RUVBL2: variants seen among roughly 807,000 people sequenced by gnomAD.
RUVBL2 encodes ruvB-like 2.
A neutral mutation model predicts 57.9 loss-of-function variants in RUVBL2; 9 were observed. The ratio of observed to expected loss-of-function variants is 0.16; its 90% confidence interval spans 0.09 to 0.27. RUVBL2 has a LOEUF of 0.27. RUVBL2 is among the 10% of genes least tolerant of loss of function. RUVBL2 has a pLI of 1.00. For missense variants in RUVBL2, 456 were observed against 669.6 expected (o/e 0.68, Z 3.52); for synonymous variants, 278 against 264.6 (o/e 1.05, Z -0.49).
intron 12 of RUVBL2, 76 bp from the exon 13 acceptor site, chr19:49,014,945 G>C: frequency 6.5e-7 from 1 of 1,532,674 alleles, no homozygotes; most frequent in South Asian, 1.2e-5. Context: ...AAGGGCCAGA[G>C]GGTTGCTGTG....
intron 6 of RUVBL2, among the ~76,000 whole-genome samples, chr19:49,009,344 A>G (rs942648847): frequency 7.5e-5 from 11 of 147,014 alleles, no homozygotes; most frequent in Admixed American, 3.4e-4. Context: ...AAAATTAGCC[A>G]TGCGTGGTGG....
At position 49,011,976 on chromosome 19, in the gene RUVBL2, C is replaced by T. The variant is rs551444936; in HGVS notation, c.1001+666C>T. Among the ~76,000 whole-genome samples the T allele has an allele frequency of 5.9e-5, 9 of 152,330 alleles. No homozygotes were observed. Among genetic ancestry groups the T allele is most frequent in the Admixed American group, 5.9e-4 (9 of 15,308 alleles). On this transcript the variant is annotated intron_variant, in intron 11 of 14. Transcript: ENST00000595090. The surrounding 1 kb of genome is among the most constrained non-coding windows in gnomAD (Gnocchi z 4.4). ...GGGATTACGGGCACCTGCCACCATG[C>T]CCGCTGGCTGTCTTCTCCACCTCGC...
chr19:48,998,363 T>C (rs1049374332), intron 1 of RUVBL2, among the ~76,000 whole-genome samples: 2 of 152,148 alleles, frequency 1.3e-5, no homozygotes, highest in African/African-American at 4.8e-5. Flanking sequence ...CTGCTCCTCA[T>C]TGGTGTCTGT....
intron 1 of RUVBL2, among the ~76,000 whole-genome samples, chr19:48,995,329 C>CT (rs1371138016): frequency 4.0e-5 from 6 of 150,558 alleles, no homozygotes; most frequent in Non-Finnish European, 8.9e-5. Flanking sequence ...GGATTCATGT[C>CT]TTTTTTGTGG....
At chr19:49,008,159 G>A (rs918746326) in intron 6 of RUVBL2, among the ~76,000 whole-genome samples, 14 of 150,736 alleles carry the variant, frequency 9.3e-5, no homozygotes, top group African/African-American at 3.4e-4. Flanking sequence ...GCGAGACCTC[G>A]GGCCTATGTT....
At chr19:48,993,495 G>T (rs2038984329), upstream of RUVBL2, 3 of 427,394 alleles carry the variant, frequency 7.0e-6, no homozygotes. Context: ...GGCGGAGCTT[G>T]CCGCTGCGCT....
At chr19:49,010,411 A>G (rs2039390780) in intron 8 of RUVBL2, 77 bp from the exon 9 acceptor site, 1 of 1,433,334 alleles carries the variant, frequency 7.0e-7, no homozygotes, top group Admixed American at 1.7e-5. Flanking sequence ...TCTCCCCCAG[A>G]CAGAGGGCTT....
At position 49,015,307 on chromosome 19, in the gene RUVBL2, C is replaced by A. The variant is rs1568644836; in HGVS notation, c.1251+157C>A. On this transcript the variant is annotated intron_variant, in intron 13 of 14. Coordinates refer to ENST00000595090, the MANE Select transcript of RUVBL2 (RefSeq NM_006666.3). ...TGGCTTCTGTATCATCCAGCCTGGC[C>A]TATAGTAGGTATCAGTAAATCTCTC... is the stretch of plus-strand genomic sequence containing the variant. 2.5e-5 allele frequency: 25 copies of A among 1,000,252 alleles called. 1 individual carries two copies. Among genetic ancestry groups the A allele is most frequent in the Middle Eastern group, 3.0e-4 (1 of 3,382 alleles). 62.0% of individuals were successfully genotyped at this position (1,000,252 alleles called of 1,614,324 possible). A position where few individuals can be genotyped will look rare whatever the true frequency, so the allele number is the denominator to read the frequency against.
chr19:49,007,896 A>C (rs528087821), intron 6 of RUVBL2, among the ~76,000 whole-genome samples: 4 of 151,450 alleles, frequency 2.6e-5, no homozygotes, highest in Non-Finnish European at 5.9e-5. Flanking sequence ...TTCAGTAGAG[A>C]CGGGGTTTCA....
At chr19:49,010,749 C>G (rs1423540819) in intron 9 of RUVBL2, 138 bp downstream of exon 9, 4 of 1,294,926 alleles carry the variant, frequency 3.1e-6, no homozygotes, top group Admixed American at 4.4e-5. Context: ...GTGGCTGCCT[C>G]TGTTCTCCAC....
At chr19:49,003,482 C>G (rs2039223555) in intron 3 of RUVBL2, 148 bp downstream of exon 3, 1 of 704,336 alleles carries the variant, frequency 1.4e-6, no homozygotes, top group Admixed American at 2.8e-5. Flanking sequence ...TGTGGGTTTT[C>G]TTGGTACTAA....
At chr19:49,005,116 C>T (rs1043642695) in intron 4 of RUVBL2, among the ~76,000 whole-genome samples, 11 of 152,120 alleles carry the variant, frequency 7.2e-5, no homozygotes, top group African/African-American at 2.7e-4. Flanking sequence ...CCTCTTCTTC[C>T]TTGTTGAACT....
intron 2 of RUVBL2, among the ~76,000 whole-genome samples, chr19:49,000,879 CG>C (rs1472121599): frequency 2.0e-5 from 3 of 150,046 alleles, no homozygotes; most frequent in Non-Finnish European, 4.4e-5. Context: ...CAAGTATGGC[CG>C]GGCATGATGG....
rs146819417 is a variant in RUVBL2 at position 49,011,561 on chromosome 19, C to T, written c.1001+251C>T. Among the ~76,000 whole-genome samples the T allele has an allele frequency of 5.9e-5, 9 of 152,310 alleles. No individual in the cohort carries two copies. The highest frequency in any genetic ancestry group is 3.9e-4 in the East Asian group (2 of 5,188). Reference sequence around the variant, plus strand: ...AGGCTGCAGTCTTCAAACTGCGTGCCGAGGCACCCCAGGGTGCTGCAGGAA... The same window carrying T: ...AGGCTGCAGTCTTCAAACTGCGTGCTGAGGCACCCCAGGGTGCTGCAGGAA... On this transcript the variant is annotated intron_variant, in intron 11 of 14. Coordinates refer to ENST00000595090, the MANE Select transcript of RUVBL2 (RefSeq NM_006666.3). This position sits in a 1 kb window ranked among gnomAD's most constrained non-coding sequence, Gnocchi z 4.4.
At chr19:48,995,986 C>CAAAA (rs562564350) in intron 1 of RUVBL2, among the ~76,000 whole-genome samples, 1 of 83,714 alleles carries the variant, frequency 1.2e-5, no homozygotes. Flanking sequence ...GGCTGTGTCT[C>CAAAA]AAAAAAAAAA....
Position 49,010,482 on chromosome 19 carries a change from C to CCCAACACCCA in RUVBL2, c.664-5_664-4insCAACACCCAC. The CCCAACACCCA allele has an allele frequency of 6.2e-7, 1 of 1,605,468 alleles. No homozygotes were observed. The highest frequency in any genetic ancestry group is 8.5e-7 in the Non-Finnish European group (1 of 1,173,104). On this transcript the variant is annotated splice_polypyrimidine_tract_variant and splice_region_variant and intron_variant, in intron 8 of 14. Transcript: ENST00000595090. ...CCGCCGTTCTTCCCCCACCCCCGCCCCATAGACCAAGTTCGTGCAGTGCCC... is the reference window on the plus strand; with the variant it reads ...CCGCCGTTCTTCCCCCACCCCCGCCCCCAACACCCACATAGACCAAGTTCGTGCAGTGCCC...
chr19:49,009,486 C>CA (rs960951097), intron 6 of RUVBL2, among the ~76,000 whole-genome samples: 1,867 of 141,266 alleles, frequency 0.013, 42 homozygotes, highest in African/African-American at 0.044. Context: ...GACTCCGTCT[C>CA]AAAAAAAAAA....
chr19:49,008,527 C>G (rs1057092370), intron 6 of RUVBL2, among the ~76,000 whole-genome samples: 3 of 150,300 alleles, frequency 2.0e-5, no homozygotes, highest in Non-Finnish European at 4.4e-5. Context: ...TGCACCCTGC[C>G]TGTTTACTAT....
chr19:49,015,766 GGCCCT>G, intron 14 of RUVBL2, 46 bp from the exon 15 acceptor site: 1 of 1,613,544 alleles, frequency 6.2e-7, no homozygotes, highest in Non-Finnish European at 8.5e-7. Flanking sequence ...AGAAGGCTCA[GGCCCT>G]GCCACCTGGG....
Sources: allele counts gnomAD v4.1 joint callset (sites outside exome capture counted in the v4.1 genomes callset), GRCh38; gene constraint gnomAD v4.1.1; non-coding constraint Gnocchi (gnomAD v3.1); transcripts MANE v1.5; gene names NCBI Gene and HGNC (gene_info 2026-07-23, HGNC 2026-07-21).